The following SLC25A13 variants were observed in gnomAD, a reference collection of about 807,000 sequenced individuals.
The protein encoded by SLC25A13 is solute carrier family 25 member 13.
A neutral mutation model predicts 85.5 loss-of-function variants in SLC25A13; 70 were observed. That is an observed-to-expected ratio of 0.82 (90% CI 0.68 to 1.00). The LOEUF (loss-of-function observed/expected upper bound fraction) is 1.00, where lower values mean the gene tolerates loss of function less well. SLC25A13 is among the 50% of genes least tolerant of loss of function. The pLI is 0.00. For missense variants in SLC25A13, 765 were observed against 819.8 expected, an observed-to-expected ratio of 0.93 and a Z score of 0.82; for synonymous variants, 259 against 288.7, an observed-to-expected ratio of 0.90 and a Z score of 1.04.
rs541626477 is a variant in SLC25A13, at chr7:96,321,522, T to G, written c.15+420A>C. Among the ~76,000 whole-genome samples the G allele has an allele frequency of 6.6e-5, 10 of 152,028 alleles. No individual in the cohort carries two copies. In the East Asian group the frequency reaches 1.7e-3, roughly 27 times the overall value. ...TAGGATCAGGCTTCAGCCCGGGCTC[T>G]GGCCCCTGGAAGAAGCCGGAGTCAA... On this transcript the variant is annotated intron_variant, in intron 1 of 17. Coordinates refer to ENST00000265631, the MANE Select transcript of SLC25A13 (RefSeq NM_014251.3).
At chr7:96,233,060 A>G (rs1796615527) in intron 4 of SLC25A13, among the ~76,000 whole-genome samples, 1 of 152,206 alleles carries the variant, frequency 6.6e-6, no homozygotes, top group Non-Finnish European at 1.5e-5. Flanking sequence ...TTGCCACTTC[A>G]CACGCATGAA....
At position 96,208,967 on chromosome 7, in the gene SLC25A13, C is replaced by G. The variant is rs1484791948; in HGVS notation, c.339G>C (p.Lys113Asn). The change falls in exon 5 of 18, where the codon AAG becomes AAC. Residue 113 changes from lysine to asparagine, a missense_variant. By Grantham distance (94) the Lys-to-Asn change is moderately conservative. Coordinates refer to ENST00000265631, the MANE Select transcript of SLC25A13 (RefSeq NM_014251.3). ...GAATTGTGGTCTGTCCAAAAACTTG[C>G]TTAACATCCTCTGAAAAGAGAAAAG... Reference protein sequence around the residue: ...GKGEVTFEDVKQVFGQTTIHQ... With the variant: ...GKGEVTFEDVNQVFGQTTIHQ... 1 of 1,613,968 alleles carries G rather than the reference C, an allele frequency of 6.2e-7. No individual in the cohort carries two copies. The highest frequency in any genetic ancestry group is 2.2e-5 in the East Asian group (1 of 44,864).
chr7:96,244,341 A>C (rs1448407564), intron 3 of SLC25A13, among the ~76,000 whole-genome samples: 1 of 152,016 alleles, frequency 6.6e-6, no homozygotes, highest in Non-Finnish European at 1.5e-5. Context: ...TTTATTTAAT[A>C]TGTTAGTTGA....
chr7:96,224,880 T>G (rs1183226363), intron 4 of SLC25A13, among the ~76,000 whole-genome samples: 2 of 152,178 alleles, frequency 1.3e-5, no homozygotes, highest in Non-Finnish European at 2.9e-5. Flanking sequence ...GGAGGCAGTG[T>G]GGCACAGTGA....
rs1367099112 is a variant in SLC25A13, at chr7:96,151,649, A to T, written c.1312-4953T>A. 1.0e-4 allele frequency among the ~76,000 whole-genome samples: 15 copies of T among 150,308 alleles called. No homozygotes were observed. In the East Asian group the frequency reaches 3.0e-3, roughly 30 times the overall value. The stretch of plus-strand genomic sequence containing the variant: ...TCATAATATTATAAGGTAAGTAATA[A>T]GATAAATAATAGGTCGGGTGCAGTG... On this transcript the variant is annotated intron_variant, in intron 13 of 17. Coordinates refer to ENST00000265631, the MANE Select transcript of SLC25A13 (RefSeq NM_014251.3).
At chr7:96,196,901 G>A (rs984092860) in intron 5 of SLC25A13, among the ~76,000 whole-genome samples, 1 of 152,178 alleles carries the variant, frequency 6.6e-6, no homozygotes, top group African/African-American at 2.4e-5. Context: ...TGACAACCAT[G>A]CAATAGCACT....
chr7:96,204,554 A>G (rs1038336123), intron 5 of SLC25A13, among the ~76,000 whole-genome samples: 1 of 152,216 alleles, frequency 6.6e-6, no homozygotes, highest in South Asian at 2.1e-4. Flanking sequence ...CAAAAAAAAG[A>G]AAGAAAAGAA....
At chr7:96,272,491 C>A (rs931267122) in intron 3 of SLC25A13, among the ~76,000 whole-genome samples, 1 of 152,150 alleles carries the variant, frequency 6.6e-6, no homozygotes, top group South Asian at 2.1e-4. Context: ...TTCCTAAGCA[C>A]CATTCCTAAA....
At chr7:96,157,765 C>T (rs1202865976) in intron 13 of SLC25A13, among the ~76,000 whole-genome samples, 1 of 152,086 alleles carries the variant, frequency 6.6e-6, no homozygotes, top group Admixed American at 6.6e-5. Context: ...TACACCACTG[C>T]ACTCCAGCCT....
intron 3 of SLC25A13, among the ~76,000 whole-genome samples, chr7:96,242,118 C>T (rs10085880): frequency 0.03 from 4,507 of 152,302 alleles, 221 homozygotes; most frequent in African/African-American, 0.1. Flanking sequence ...ACAAAAATAA[C>T]TTCTCCTTAT....
At chr7:96,248,948 G>C (rs1162298706) in intron 3 of SLC25A13, among the ~76,000 whole-genome samples, 1 of 152,000 alleles carries the variant, frequency 6.6e-6, no homozygotes, top group Non-Finnish European at 1.5e-5. Flanking sequence ...TTGTATAAAC[G>C]GTAGTGACTG....
chr7:96,147,229 G>A (rs958416670), intron 13 of SLC25A13, among the ~76,000 whole-genome samples: 6 of 152,082 alleles, frequency 3.9e-5, no homozygotes, highest in Non-Finnish European at 8.8e-5. Flanking sequence ...TTAGATGAAA[G>A]TTATTATTTT....
At position 96,295,849 on chromosome 7, in the gene SLC25A13, A is replaced by G. The variant is rs576015359; in HGVS notation, c.69+1049T>C. Among the ~76,000 whole-genome samples the G allele has an allele frequency of 2.0e-5, 3 of 150,838 alleles. No individual in the cohort carries two copies. The East Asian group carries it at 5.8e-4, about 29-fold the overall frequency. ...TATATATATAAAATATGTGTATATT[A>G]ATATATGTTATTAATAATATATCAT... On this transcript the variant is annotated intron_variant, in intron 2 of 17. Transcript: ENST00000265631.
At chr7:96,286,431 A>G (rs1798889166) in intron 2 of SLC25A13, among the ~76,000 whole-genome samples, 1 of 152,116 alleles carries the variant, frequency 6.6e-6, no homozygotes, top group Non-Finnish European at 1.5e-5. Flanking sequence ...GCACTCTGAC[A>G]GCTCTTTACT....
intron 4 of SLC25A13, among the ~76,000 whole-genome samples, chr7:96,222,538 T>C (rs1357735387): frequency 6.6e-6 from 1 of 152,192 alleles, no homozygotes; most frequent in Non-Finnish European, 1.5e-5. Flanking sequence ...CTCCACCTCC[T>C]GGGTTCAAGT....
At chr7:96,163,513 T>G (rs1406226354) in intron 13 of SLC25A13, among the ~76,000 whole-genome samples, 1 of 152,138 alleles carries the variant, frequency 6.6e-6, no homozygotes, top group Non-Finnish European at 1.5e-5. Context: ...AGAATAATAA[T>G]AAGTATCTAT....
At chr7:96,128,939 GCTCTCT>G (rs58984088) in intron 15 of SLC25A13, among the ~76,000 whole-genome samples, 2,090 of 81,854 alleles carry the variant, frequency 0.026, 64 homozygotes, top group African/African-American at 0.076. Flanking sequence ...TGCCTTGCTT[GCTCTCT>G]CTCTCTCTCT....
chr7:96,301,288 T>C (rs1799539746), intron 1 of SLC25A13, among the ~76,000 whole-genome samples: 1 of 152,224 alleles, frequency 6.6e-6, no homozygotes, highest in African/African-American at 2.4e-5. Context: ...TTAGATTGTT[T>C]CCAGAAGGCT....
At chr7:96,237,547 A>G (rs1453470139) in intron 3 of SLC25A13, among the ~76,000 whole-genome samples, 1 of 152,202 alleles carries the variant, frequency 6.6e-6, no homozygotes, top group Non-Finnish European at 1.5e-5. Context: ...TTCTGGATTA[A>G]GAAATGTCAC....
Sources: allele counts gnomAD v4.1 joint callset (sites outside exome capture counted in the v4.1 genomes callset), GRCh38; gene constraint gnomAD v4.1.1; transcripts MANE v1.5; gene names NCBI Gene and HGNC (gene_info 2026-07-23, HGNC 2026-07-21).